The following CACNA1S variants were observed in gnomAD, a reference collection of about 807,000 sequenced individuals.
CACNA1S encodes the protein calcium voltage-gated channel subunit alpha1 S, also known as voltage-dependent L-type calcium channel subunit alpha-1S.
Under a neutral mutation model 207.4 loss-of-function variants are expected in CACNA1S, and 126 were observed. That is an observed-to-expected ratio of 0.61 (90% CI 0.53 to 0.70). CACNA1S has a LOEUF of 0.70. CACNA1S is among the 30% of genes least tolerant of loss of function. The probability of loss-of-function intolerance (pLI) is 0.00; values close to 1 mark genes in which losing one functional copy is unlikely to be tolerated. For synonymous variants in CACNA1S, 960 were observed against 932.7 expected (o/e 1.03, Z -0.53); for missense variants, 2,349 against 2,422.8 (o/e 0.97, Z 0.64).
At chr1:201,105,248 C>A (rs1391396536) in intron 2 of CACNA1S, among the ~76,000 whole-genome samples, 2 of 152,212 alleles carry the variant, frequency 1.3e-5, no homozygotes, top group Non-Finnish European at 2.9e-5. Context: ...GAATCTAGAA[C>A]AACCTGGGGG....
intron 1 of CACNA1S, 129 bp from the exon 2 acceptor site, chr1:201,110,398 C>A: frequency 1.3e-6 from 1 of 793,626 alleles, no homozygotes; most frequent in Admixed American, 2.0e-5. Flanking sequence ...CATGGACGCT[C>A]GCCCACGCTG....
rs767628675 is a variant in CACNA1S at position 201,077,996 on chromosome 1, C to A, written c.1502G>T (p.Cys501Phe). Residue 501 changes from cysteine (C) to phenylalanine (F), a missense_variant, in exon 11 of 44, where the codon TGC becomes TTC. Cys to Phe is a radical substitution (Grantham distance 205). Coordinates refer to ENST00000362061, the MANE Select transcript of CACNA1S (RefSeq NM_000069.3). ...CAGGATACCGCTACACACCACGAAG[C>A]AGTCGAAGCGGTTGAAGATAGACAT... ...YFMSIFNRFD[C>F]FVVCSGILEI... The A allele has an allele frequency of 3.7e-6, 6 of 1,614,046 alleles. No homozygotes were observed. The Admixed American group carries it at 6.7e-5, about 18-fold the overall frequency.
chr1:201,043,307 G>T lies in CACNA1S; in HGVS notation c.5022C>A (p.Asn1674Lys), dbSNP rs1572019109. 1 of 1,614,222 alleles carries T rather than the reference G, an allele frequency of 6.2e-7. No homozygotes were observed. ...TGGAAAACACATGGCTGTTGCTATG[G>T]TTGCTGTTGCCATAGGCGACATTGG... ...ANANVAYGNS[N>K]HSNSHVFSSV... Residue 1674 changes from asparagine (N) to lysine (K), a missense_variant, in exon 40 of 44, where the codon AAC becomes AAA. Coordinates refer to ENST00000362061, the MANE Select transcript of CACNA1S (RefSeq NM_000069.3).
chr1:201,072,843 T>C lies in CACNA1S; in HGVS notation c.2158-19A>G, dbSNP rs564581600. ...TTTTCAGCTGTAGGAAGGAACACAA[T>C]GACTATAACAATGAAAAAGAAGTTG... On this transcript the variant is annotated intron_variant, in intron 15 of 43. Transcript: ENST00000362061. The C allele has an allele frequency of 6.2e-7, 1 of 1,602,908 alleles. No individual in the cohort carries two copies. Among genetic ancestry groups the C allele is most frequent in the South Asian group, 1.1e-5 (1 of 90,874 alleles).
rs199693053 is a variant in CACNA1S at position 201,112,167 on chromosome 1, G to T, written c.152+21C>A. On this transcript the variant is annotated intron_variant, in intron 1 of 43. Coordinates refer to ENST00000362061, the MANE Select transcript of CACNA1S (RefSeq NM_000069.3). The stretch of plus-strand genomic sequence containing the variant: ...CCTCATGACGCACACCCCCCCCCAC[G>T]GCCCGGGCCCTGAAGGATACTTCCA... 3.1e-6 allele frequency: 5 copies of T among 1,602,054 alleles called. No individual in the cohort carries two copies. The South Asian group carries it at 5.5e-5, about 18-fold the overall frequency.
intron 2 of CACNA1S, among the ~76,000 whole-genome samples, chr1:201,104,741 A>G (rs1438955835): frequency 6.6e-6 from 1 of 152,242 alleles, no homozygotes; most frequent in East Asian, 1.9e-4. Flanking sequence ...TAGCAAAAGC[A>G]ATCAGTTTAT....
At chr1:201,104,047 A>G (rs1662789011) in intron 2 of CACNA1S, among the ~76,000 whole-genome samples, 1 of 152,206 alleles carries the variant, frequency 6.6e-6, no homozygotes, top group South Asian at 2.1e-4. Context: ...CTTAAGAAAA[A>G]TCTAAATTAT....
chr1:201,042,257 C>T (rs147434631), intron 40 of CACNA1S, among the ~76,000 whole-genome samples: 17 of 152,352 alleles, frequency 1.1e-4, no homozygotes, highest in African/African-American at 3.4e-4. Flanking sequence ...GCCTCAGCCT[C>T]CCGAGTAGCT....
Position 201,048,575 on chromosome 1 carries a change from C to A in CACNA1S, c.4441+7G>T, listed in dbSNP as rs751297886. On this transcript the variant is annotated splice_region_variant and intron_variant, in intron 36 of 43. Coordinates refer to ENST00000362061, the MANE Select transcript of CACNA1S (RefSeq NM_000069.3). ...AGGAGGGGGCTCACATTGGAAGGCA[C>A]TCTCACCTTCCGTCTTGATCTTGAG... The A allele has an allele frequency of 6.2e-7, 1 of 1,604,440 alleles. No homozygotes were observed. The highest frequency in any genetic ancestry group is 8.5e-7 in the Non-Finnish European group (1 of 1,171,224).
At chr1:201,085,949 G>T (rs539847826) in intron 7 of CACNA1S, among the ~76,000 whole-genome samples, 59 of 152,276 alleles carry the variant, frequency 3.9e-4, no homozygotes, top group African/African-American at 1.4e-3. Context: ...TGGCCATACT[G>T]CCCCAACCCT....
In CACNA1S at chr1:201,083,194, TG is replaced by T; in HGVS notation, c.1360del (p.His454ThrfsTer7). ...ACGGGTCAGCCAGAGAGGCTGGTTGTGGTGCTCTGAGGCGATAGACAGGGTG... is the reference window on the plus strand; with the variant it reads ...ACGGGTCAGCCAGAGAGGCTGGTTGTGTGCTCTGAGGCGATAGACAGGGTG... ...LNTLSIASEH[H>X]NQPLWLTRLQ... On this transcript the variant is annotated frameshift_variant, in exon 10 of 44. Transcript: ENST00000362061. LOFTEE classifies it high-confidence loss of function. 4 of 1,614,174 alleles carry T rather than the reference TG, an allele frequency of 2.5e-6. No individual in the cohort carries two copies. The highest frequency in any genetic ancestry group is 3.4e-6 in the Non-Finnish European group (4 of 1,180,032).
At chr1:201,051,562 C>T (rs1660648311) in intron 32 of CACNA1S, among the ~76,000 whole-genome samples, 1 of 152,140 alleles carries the variant, frequency 6.6e-6, no homozygotes, top group Non-Finnish European at 1.5e-5. Context: ...CAAAAGCAGC[C>T]CTTAGATTTC....
rs753183910 is a variant in CACNA1S, at chr1:201,074,569, G to T, written c.2000C>A (p.Ala667Glu). 1 of 1,613,996 alleles carries T rather than the reference G, an allele frequency of 6.2e-7. No individual in the cohort carries two copies. Among genetic ancestry groups the T allele is most frequent in the African/African-American group, 1.3e-5 (1 of 75,062 alleles). ...LAIAVDNLAE[A>E]ESLTSAQKAK... is the part of the protein sequence containing the mutation. ...CTTCTGGGCAGAAGTCAGGCTCTCC[G>T]CCTCGGCCAGGTTGTCCACGGCAAT... The change falls in exon 14 of 44, where the codon GCG becomes GAG. Residue 667 changes from alanine to glutamate, a missense_variant. Physicochemically the swap from Ala to Glu is moderately radical, Grantham distance 107. Transcript: ENST00000362061.
intron 19 of CACNA1S, among the ~76,000 whole-genome samples, chr1:201,068,228 GCT>G (rs1661316429): frequency 1.6e-5 from 2 of 128,808 alleles, no homozygotes; most frequent in Admixed American, 8.1e-5. Flanking sequence ...CCCCGGCTCT[GCT>G]CTTTTTTTTT....
At chr1:201,108,679 A>G (rs74136321) in intron 2 of CACNA1S, among the ~76,000 whole-genome samples, 5 of 152,226 alleles carry the variant, frequency 3.3e-5, no homozygotes, top group Admixed American at 1.3e-4. Context: ...CCCTCATAGC[A>G]AGCACACATT....
chr1:201,073,041 C>A (rs1288681870), intron 15 of CACNA1S, among the ~76,000 whole-genome samples: 2 of 152,206 alleles, frequency 1.3e-5, no homozygotes, highest in African/African-American at 4.8e-5. Context: ...AAGGCCTGAG[C>A]CCGCCCTAGC....
intron 19 of CACNA1S, among the ~76,000 whole-genome samples, chr1:201,067,228 T>C (rs1442943128): frequency 6.6e-6 from 1 of 152,200 alleles, no homozygotes; most frequent in Non-Finnish European, 1.5e-5. Context: ...GTCTCTTTCT[T>C]TACATGCCAT....
chr1:201,089,639 G>A (rs1662160061), intron 5 of CACNA1S, among the ~76,000 whole-genome samples, 176 bp from the exon 6 acceptor site: 1 of 152,234 alleles, frequency 6.6e-6, no homozygotes, highest in South Asian at 2.1e-4. Context: ...GGAATGCCTT[G>A]GGCTGAGGAT....
At chr1:201,054,965 AGT>A (rs1262590989) in intron 28 of CACNA1S, among the ~76,000 whole-genome samples, 3 of 152,316 alleles carry the variant, frequency 2.0e-5, no homozygotes, top group Non-Finnish European at 2.9e-5. Flanking sequence ...TCACATCCAT[AGT>A]GCCCTGAGGC....
Sources: gnomAD v4.1 joint callset for allele counts (sites outside exome capture counted in the v4.1 genomes callset) on GRCh38, gnomAD v4.1.1 for gene constraint, MANE v1.5 for transcripts, NCBI Gene and HGNC (gene_info 2026-07-23, HGNC 2026-07-21) for gene names.